Variants in PKD2L2 observed in about 807,000 individuals in gnomAD.
PKD2L2 encodes polycystin 2 like 2, transient receptor potential cation channel.
In PKD2L2, 67 loss-of-function variants were observed where a neutral mutation model predicts 83.9. That is an observed-to-expected ratio of 0.80 (90% CI 0.66 to 0.98). The LOEUF is 0.98. Ranked by LOEUF, PKD2L2 falls within the 50% of genes least tolerant of loss-of-function variation. PKD2L2 has a pLI of 0.00. For synonymous variants in PKD2L2, 223 were observed against 237.8 expected (o/e 0.94, Z 0.57); for missense variants, 632 against 717.2 (o/e 0.88, Z 1.36).
chr5:137,906,111 A>T, intron 5 of PKD2L2, 95 bp from the exon 6 acceptor site: 1 of 714,604 alleles, frequency 1.4e-6, no homozygotes, highest in Non-Finnish European at 2.4e-6. Context: ...GATTATCATT[A>T]AAGCATACAT....
Position 137,936,387 on chromosome 5 carries a change from G to C in PKD2L2, c.1852G>C (p.Val618Leu), listed in dbSNP as rs377202940. 3 of 1,534,176 alleles carry C rather than the reference G, an allele frequency of 2.0e-6. No individual in the cohort carries two copies. The highest frequency in any genetic ancestry group is 1.4e-5 in the African/African-American group (1 of 73,098). The stretch of plus-strand genomic sequence containing the variant: ...CATCAATTTGAAGCTAAATCAAGTG[G>C]TGAGAAAGGTTTCAGCTCTATAGTA... The part of the protein sequence containing the change: ...HYINLKLNQV[V>L]RKVSAL Residue 618 changes from valine (V) to leucine (L), a missense_variant, in exon 14 of 15, where the codon GTG becomes CTG. This residue lies in a region of PKD2L2 where 399 missense variants were observed against 416.9 expected (regional missense o/e 0.96). Transcript: ENST00000508883.
At chr5:137,895,974 C>CA (rs1756432002) in intron 4 of PKD2L2, among the ~76,000 whole-genome samples, 1 of 148,652 alleles carries the variant, frequency 6.7e-6, no homozygotes. Context: ...GTCAGGAGTT[C>CA]AAGACCAGCC....
At chr5:137,934,190 C>T (rs1195539605) in intron 12 of PKD2L2, among the ~76,000 whole-genome samples, 1 of 152,052 alleles carries the variant, frequency 6.6e-6, no homozygotes, top group Admixed American at 6.6e-5. Flanking sequence ...GTAGGGCGAG[C>T]AGGACGTAGG....
intron 5 of PKD2L2, among the ~76,000 whole-genome samples, chr5:137,902,308 GA>G (rs1354333542): frequency 6.6e-6 from 1 of 151,822 alleles, no homozygotes; most frequent in Admixed American, 6.6e-5. Flanking sequence ...AAAAAAGTCA[GA>G]AAAATTACTA....
chr5:137,935,853 T>C lies in PKD2L2; in HGVS notation c.1728T>C (p.Tyr576=). 1 of 1,612,092 alleles carries C rather than the reference T, an allele frequency of 6.2e-7. No homozygotes were observed. ...KKWKERLEKK[Y]YSMEIQDDYQ... is the part of the protein sequence containing the mutation. Reference sequence around the variant, plus strand: ...GGAAAGAGAGGCTTGAGAAAAAGTATTATTCTATGGAAATTCAAGATGACT... The same window carrying C: ...GGAAAGAGAGGCTTGAGAAAAAGTACTATTCTATGGAAATTCAAGATGACT... Residue 576 remains tyrosine, a synonymous_variant, in exon 13 of 15, where the codon TAT becomes TAC. Coordinates refer to ENST00000508883, the MANE Select transcript of PKD2L2 (RefSeq NM_001300921.2).
In PKD2L2 at chr5:137,889,508, G is replaced by C. The variant is rs767713877; in HGVS notation, c.17G>C (p.Arg6Pro). The C allele has an allele frequency of 5.1e-6, 8 of 1,557,788 alleles. No individual in the cohort carries two copies. The highest frequency in any genetic ancestry group is 6.0e-6 in the Non-Finnish European group (7 of 1,159,740). Residue 6 changes from arginine (R) to proline (P), a missense_variant, in exon 1 of 15, where the codon CGG becomes CCG. By Grantham distance (103) the Arg-to-Pro change is moderately radical. Coordinates refer to ENST00000508883, the MANE Select transcript of PKD2L2 (RefSeq NM_001300921.2). MAEASRWHRGGASKHK... is the reference protein window; with the variant it reads MAEASPWHRGGASKHK... Reference sequence around the variant, plus strand: ...AGGTCCGCCATGGCTGAGGCGTCACGGTGGCACCGAGGCGGTGAGGGGTCC... The same window carrying C: ...AGGTCCGCCATGGCTGAGGCGTCACCGTGGCACCGAGGCGGTGAGGGGTCC...
intron 8 of PKD2L2, among the ~76,000 whole-genome samples, chr5:137,914,993 T>A (rs1288260147): frequency 6.6e-6 from 1 of 152,226 alleles, no homozygotes. Context: ...TGGTATATGA[T>A]CCTTTTAATA....
intron 7 of PKD2L2, 73 bp downstream of exon 7, chr5:137,907,985 T>C (rs527379106): frequency 9.9e-6 from 7 of 705,130 alleles, no homozygotes; most frequent in African/African-American, 1.8e-5. Context: ...TAAAAAGCCA[T>C]GGGGAAAAAA....
At chr5:137,896,184 A>G (rs920716581) in intron 4 of PKD2L2, among the ~76,000 whole-genome samples, 6 of 152,118 alleles carry the variant, frequency 3.9e-5, no homozygotes, top group African/African-American at 1.2e-4. Context: ...GTCTCAAAAA[A>G]AAAAAAAAAT....
chr5:137,917,847 T>G (rs938703492), intron 8 of PKD2L2, among the ~76,000 whole-genome samples: 3 of 152,196 alleles, frequency 2.0e-5, no homozygotes, highest in African/African-American at 7.2e-5. Context: ...TCTGGTGATT[T>G]TTTGGTGAAT....
At chr5:137,895,979 C>G (rs1561675695) in intron 4 of PKD2L2, among the ~76,000 whole-genome samples, 1 of 151,556 alleles carries the variant, frequency 6.6e-6, no homozygotes, top group Non-Finnish European at 1.5e-5. Context: ...GAGTTCAAGA[C>G]CAGCCTGGCC....
intron 3 of PKD2L2, among the ~76,000 whole-genome samples, chr5:137,892,960 T>G (rs1337287100): frequency 6.6e-6 from 1 of 152,042 alleles, no homozygotes; most frequent in Non-Finnish European, 1.5e-5. Context: ...AATACAAACA[T>G]TAGCCAGGCA....
Position 137,899,501 on chromosome 5 carries a change from T to C in PKD2L2, c.525-15T>C. 6.9e-7 allele frequency: 1 copy of C among 1,446,870 alleles called. No individual in the cohort carries two copies. Among genetic ancestry groups the C allele is most frequent in the Non-Finnish European group, 9.7e-7 (1 of 1,032,446 alleles). The allele number at this position is 1,446,870 out of a possible 1,614,324, so 89.6% of individuals were successfully genotyped here. ...GGCTTTGTCATTTCACCATTATTCT[T>C]TTTATGTGTAACAGATGGAGATATT... On this transcript the variant is annotated splice_polypyrimidine_tract_variant and intron_variant, in intron 4 of 14. Transcript: ENST00000508883.
intron 6 of PKD2L2, 136 bp downstream of exon 6, chr5:137,906,570 G>A: frequency 1.8e-6 from 1 of 566,544 alleles, no homozygotes; most frequent in South Asian, 2.4e-5. Flanking sequence ...AAAATGTACT[G>A]GGAATAGTAC....
At chr5:137,919,525 TCC>T (rs369318696) in intron 8 of PKD2L2, among the ~76,000 whole-genome samples, 48 of 151,362 alleles carry the variant, frequency 3.2e-4, no homozygotes, top group Middle Eastern at 3.4e-3. Context: ...TTTTTTTTTT[TCC>T]CCAACTCAAA....
intron 14 of PKD2L2, 35 bp downstream of exon 14, chr5:137,936,462 T>A: frequency 1.6e-6 from 2 of 1,285,034 alleles, no homozygotes; most frequent in East Asian, 3.0e-5. Context: ...GAGCATTTCT[T>A]TTTTTTTTTT....
At chr5:137,890,777 AG>A (rs1238602694) in intron 2 of PKD2L2, among the ~76,000 whole-genome samples, 195 bp downstream of exon 2, 80 of 152,338 alleles carry the variant, frequency 5.3e-4, no homozygotes, top group African/African-American at 1.6e-3. Context: ...TCAGTTCTTA[AG>A]GGGCAAAATT....
intron 4 of PKD2L2, among the ~76,000 whole-genome samples, chr5:137,896,838 G>A (rs377749056): frequency 6.6e-6 from 1 of 151,212 alleles, no homozygotes; most frequent in East Asian, 1.9e-4. Flanking sequence ...TCAATCATTA[G>A]TCAATGTTTA....
At chr5:137,936,249 A>T in intron 13 of PKD2L2, 71 bp from the exon 14 acceptor site, 1 of 1,360,724 alleles carries the variant, frequency 7.3e-7, no homozygotes, top group Non-Finnish European at 1.0e-6. Flanking sequence ...AGCATTTCGC[A>T]CTAGTAACTT....
Sources: gnomAD v4.1 joint callset for allele counts (sites outside exome capture counted in the v4.1 genomes callset) on GRCh38, gnomAD v4.1.1 for gene constraint, gnomAD v4.1.1 regional missense constraint, MANE v1.5 for transcripts, NCBI Gene and HGNC (gene_info 2026-07-23, HGNC 2026-07-21) for gene names.